PCDH17: variants seen among roughly 807,000 people sequenced by gnomAD.
PCDH17 encodes protocadherin-17.
In PCDH17, 21 loss-of-function variants were observed where a neutral mutation model predicts 67.7. The observed-to-expected ratio is 0.31, with a 90% CI of 0.22 to 0.45. The LOEUF (loss-of-function observed/expected upper bound fraction) is 0.45, where lower values mean the gene tolerates loss of function less well. Ranked by LOEUF, PCDH17 falls within the 20% of genes least tolerant of loss-of-function variation. The pLI is 1.00. For missense variants in PCDH17, 1,471 were observed against 1,564.8 expected (o/e 0.94, Z 1.01); for synonymous variants, 701 against 656.7 (o/e 1.07, Z -1.03).
chr13:57,687,127 G>A (rs577359343), intron 3 of PCDH17, among the ~76,000 whole-genome samples: 28 of 152,028 alleles, frequency 1.8e-4, no homozygotes, highest in African/African-American at 5.3e-4. Context: ...TCTAAATTCC[G>A]TTGATAAAAT....
chr13:57,653,038 TTTCAAGAGG>T (rs1394496503), intron 1 of PCDH17, among the ~76,000 whole-genome samples: 1 of 152,144 alleles, frequency 6.6e-6, no homozygotes. Context: ...CTGGCAGTAG[TTTCAAGAGG>T]TTCTCTAGCT....
chr13:57,670,948 T>C (rs1176407664), intron 3 of PCDH17, among the ~76,000 whole-genome samples: 1 of 151,970 alleles, frequency 6.6e-6, no homozygotes, highest in African/African-American at 2.4e-5. Context: ...TGATGTACTG[T>C]ACTAGAGCTG....
chr13:57,706,322 G>A (rs1290270794), intron 3 of PCDH17, among the ~76,000 whole-genome samples: 2 of 152,106 alleles, frequency 1.3e-5, no homozygotes, highest in African/African-American at 4.8e-5. Context: ...TAAAATGGAA[G>A]ACAAAAATTT....
At chr13:57,689,075 G>C (rs956760338) in intron 3 of PCDH17, among the ~76,000 whole-genome samples, 2 of 151,980 alleles carry the variant, frequency 1.3e-5, no homozygotes, top group African/African-American at 2.4e-5. Flanking sequence ...CAAAATTTTA[G>C]CATTCTTGCT....
chr13:57,661,787 T>C (rs1026275039), intron 1 of PCDH17, among the ~76,000 whole-genome samples: 1 of 152,172 alleles, frequency 6.6e-6, no homozygotes, highest in Non-Finnish European at 1.5e-5. Context: ...TGGACAGTCT[T>C]CTGTTCCATT....
At position 57,659,633 on chromosome 13, in the gene PCDH17, C is replaced by G. The variant is rs566107499; in HGVS notation, c.2566-6835C>G. 1.5e-3 allele frequency among the ~76,000 whole-genome samples: 223 copies of G among 152,098 alleles called. 2 individuals are homozygous for G. The highest frequency in any genetic ancestry group is 5.3e-3 in the African/African-American group (221 of 41,498). ...GTAAAATTATTTTGACAATATTTTG[C>G]ATACATTTTGGTACATTTCAGAGGC... is the stretch of plus-strand genomic sequence containing the variant. On this transcript the variant is annotated intron_variant, in intron 1 of 3. Transcript: ENST00000377918.
chr13:57,704,573 A>G (rs1273921572), intron 3 of PCDH17, among the ~76,000 whole-genome samples: 1 of 151,820 alleles, frequency 6.6e-6, no homozygotes, highest in Non-Finnish European at 1.5e-5. Flanking sequence ...CCAAAAAAAA[A>G]AAACAAAAAA....
chr13:57,684,220 G>C (rs1037979688), intron 3 of PCDH17, among the ~76,000 whole-genome samples: 1 of 151,766 alleles, frequency 6.6e-6, no homozygotes, highest in South Asian at 2.1e-4. Context: ...TAGAATCCTA[G>C]AGGTTAGAAA....
rs1194842158 is a variant in PCDH17 at position 57,634,876 on chromosome 13, GGAACGCCAT to G, written c.2336_2344del (p.Ala779_Asn781del). 1 of 1,614,060 alleles carries G rather than the reference GGAACGCCAT, an allele frequency of 6.2e-7. No homozygotes were observed. The highest frequency in any genetic ancestry group is 8.5e-7 in the Non-Finnish European group (1 of 1,180,008). ...CTGGTGCAGAGCGAAGTGGAGGAGA[GGAACGCCAT>G]GAACGTCATGAACGTGGTGAGCAGC... is the stretch of plus-strand genomic sequence containing the variant. On this transcript the variant is annotated inframe_deletion, in exon 1 of 4. Coordinates refer to ENST00000377918, the MANE Select transcript of PCDH17 (RefSeq NM_001040429.3). The surrounding 1 kb of genome is among the most constrained non-coding windows in gnomAD (Gnocchi z 7.8).
intron 3 of PCDH17, among the ~76,000 whole-genome samples, chr13:57,697,432 T>C (rs995065784): frequency 4.0e-5 from 6 of 151,554 alleles, no homozygotes; most frequent in East Asian, 1.9e-4. Flanking sequence ...ACAACTCACA[T>C]AGAAAAAAAA....
At chr13:57,671,198 A>G (rs1955316782) in intron 3 of PCDH17, among the ~76,000 whole-genome samples, 1 of 151,964 alleles carries the variant, frequency 6.6e-6, no homozygotes, top group Non-Finnish European at 1.5e-5. Flanking sequence ...GAAGTTGTAT[A>G]GTACCATAAT....
intron 3 of PCDH17, among the ~76,000 whole-genome samples, chr13:57,689,756 C>G (rs1438496411): frequency 6.6e-6 from 1 of 151,874 alleles, no homozygotes. Flanking sequence ...TAAATTTCTT[C>G]AAAATCATTA....
chr13:57,648,631 C>T lies in PCDH17; in HGVS notation c.2565+13520C>T, dbSNP rs755937883. 7.1e-4 allele frequency among the ~76,000 whole-genome samples: 108 copies of T among 151,996 alleles called. 1 individual carries two copies. Among genetic ancestry groups the T allele is most frequent in the Non-Finnish European group, 4.6e-4 (31 of 67,900 alleles). On this transcript the variant is annotated intron_variant, in intron 1 of 3. Transcript: ENST00000377918. ...CTGCTTAAAAGCAACTAATGTTCAA[C>T]TTCATTAACATTTCTGTTAACTAGA...
chr13:57,727,023 C>G lies in PCDH17; in HGVS notation c.*1729C>G, dbSNP rs1026221666. ...CTTCTATTCCTTCATTTGGTTACAC[C>G]TTTCCTTGTGACATTTAGCGAGTTT... On this transcript the variant is annotated 3_prime_UTR_variant, in exon 4 of 4. Transcript: ENST00000377918. 1.3e-5 allele frequency: 2 copies of G among 152,516 alleles called. No individual in the cohort carries two copies. Among genetic ancestry groups the G allele is most frequent in the East Asian group, 1.9e-4 (1 of 5,190 alleles). 9.4% of individuals were successfully genotyped at this position (152,516 alleles called of 1,614,324 possible). A position where few individuals can be genotyped will look rare whatever the true frequency, so the allele number is the denominator to read the frequency against.
intron 3 of PCDH17, among the ~76,000 whole-genome samples, chr13:57,715,641 C>G (rs7329625): frequency 6.6e-6 from 1 of 151,662 alleles, no homozygotes; most frequent in Non-Finnish European, 1.5e-5. Context: ...GTATCAAAAA[C>G]CTTTTCAATG....
rs1202781867 is a variant in PCDH17 at position 57,632,867 on chromosome 13, G to T, written c.321G>T (p.Glu107Asp). Reference protein sequence around the residue: ...RHNAKCQLSLEVFANDKEICM... With the variant: ...RHNAKCQLSLDVFANDKEICM... ...ATGCCAAGTGCCAGCTGTCCCTCGAGGTGTTCGCCAACGACAAGGAGATCT... is the reference window on the plus strand; with the variant it reads ...ATGCCAAGTGCCAGCTGTCCCTCGATGTGTTCGCCAACGACAAGGAGATCT... The change falls in exon 1 of 4, where the codon GAG becomes GAT. Residue 107 changes from glutamate (E) to aspartate (D), a missense_variant. Glu to Asp is a conservative substitution (Grantham distance 45). This residue lies in a region of PCDH17 where 1,163 missense variants were observed against 1,230.0 expected (regional missense o/e 0.95). Transcript: ENST00000377918. 6.2e-7 allele frequency: 1 copy of T among 1,613,904 alleles called. No individual in the cohort carries two copies. The highest frequency in any genetic ancestry group is 1.3e-5 in the African/African-American group (1 of 74,922).
At chr13:57,685,678 G>C (rs1437516856) in intron 3 of PCDH17, among the ~76,000 whole-genome samples, 1 of 152,024 alleles carries the variant, frequency 6.6e-6, no homozygotes, top group Non-Finnish European at 1.5e-5. Flanking sequence ...TGTGGTTTGT[G>C]TGATGAAATT....
At chr13:57,686,564 G>T (rs1377639296) in intron 3 of PCDH17, among the ~76,000 whole-genome samples, 1 of 151,952 alleles carries the variant, frequency 6.6e-6, no homozygotes, top group African/African-American at 2.4e-5. Context: ...GTCAGTTTGA[G>T]TGGAAATATG....
chr13:57,666,446 T>A, intron 1 of PCDH17, 22 bp from the exon 2 acceptor site: 1 of 1,597,564 alleles, frequency 6.3e-7, no homozygotes, highest in Non-Finnish European at 8.6e-7. Flanking sequence ...ACTATACGTA[T>A]TTTTTTCCTT....
Sources: gnomAD v4.1 joint callset for allele counts (sites outside exome capture counted in the v4.1 genomes callset) on GRCh38, gnomAD v4.1.1 for gene constraint, gnomAD v4.1.1 regional missense constraint, Gnocchi (gnomAD v3.1) non-coding constraint, MANE v1.5 for transcripts, NCBI Gene and HGNC (gene_info 2026-07-23, HGNC 2026-07-21) for gene names.